The following ARHGAP15 variants were observed in gnomAD, a reference collection of about 807,000 sequenced individuals.
ARHGAP15 encodes the protein rho GTPase-activating protein 15.
A neutral mutation model predicts 63.7 loss-of-function variants in ARHGAP15; 51 were observed. That is an observed-to-expected ratio of 0.80 (90% CI 0.64 to 1.01). ARHGAP15 has a LOEUF of 1.01. ARHGAP15 is among the 50% of genes least tolerant of loss of function. The probability of loss-of-function intolerance (pLI) is 0.00; values close to 1 mark genes in which losing one functional copy is unlikely to be tolerated. For missense variants in ARHGAP15, 560 were observed against 564.6 expected (o/e 0.99, Z 0.08); for synonymous variants, 191 against 193.8 (o/e 0.99, Z 0.12).
At chr2:143,660,980 G>C (rs1180059989) in intron 12 of ARHGAP15, among the ~76,000 whole-genome samples, 1 of 152,174 alleles carries the variant, frequency 6.6e-6, no homozygotes, top group Non-Finnish European at 1.5e-5. Flanking sequence ...CTGTGTTTCT[G>C]TCTGAAGGCT....
At chr2:143,422,130 G>T (rs774497991) in intron 6 of ARHGAP15, among the ~76,000 whole-genome samples, 1 of 152,088 alleles carries the variant, frequency 6.6e-6, no homozygotes, top group African/African-American at 2.4e-5. Context: ...AGAAAATGTT[G>T]TGGATGAAAC....
chr2:143,756,333 T>A (rs1574932333), intron 13 of ARHGAP15, among the ~76,000 whole-genome samples: 2 of 152,342 alleles, frequency 1.3e-5, no homozygotes, highest in South Asian at 4.1e-4. Flanking sequence ...TGCTGATCCA[T>A]GCACAACACT....
intron 13 of ARHGAP15, among the ~76,000 whole-genome samples, chr2:143,711,575 C>T (rs1684582134): frequency 6.6e-6 from 1 of 152,218 alleles, no homozygotes; most frequent in African/African-American, 2.4e-5. Flanking sequence ...TTATGAGCCT[C>T]TAACGTTGTA....
intron 9 of ARHGAP15, among the ~76,000 whole-genome samples, chr2:143,509,805 G>A (rs1488493680): frequency 6.6e-6 from 1 of 151,980 alleles, no homozygotes; most frequent in African/African-American, 2.4e-5. Context: ...GGCGGATCAC[G>A]AGCTCGGGAG....
chr2:143,676,575 G>A (rs1233913560), intron 12 of ARHGAP15: 1 of 152,178 alleles, frequency 6.6e-6, no homozygotes, highest in African/African-American at 2.4e-5. Context: ...GCAGGGAACA[G>A]GGAGGCCTGA....
intron 3 of ARHGAP15, among the ~76,000 whole-genome samples, chr2:143,205,687 G>A (rs754658610): frequency 6.6e-6 from 1 of 152,020 alleles, no homozygotes; most frequent in Non-Finnish European, 1.5e-5. Context: ...CCCTTCATCA[G>A]TGCCTTCTCA....
At chr2:143,752,618 G>T (rs1164902746) in intron 13 of ARHGAP15, among the ~76,000 whole-genome samples, 1 of 152,150 alleles carries the variant, frequency 6.6e-6, no homozygotes, top group Non-Finnish European at 1.5e-5. Context: ...CATGGGTTCA[G>T]TTCTCCAGAA....
In ARHGAP15 at chr2:143,450,044, AAT is replaced by A. The variant is rs1363976453; in HGVS notation, c.703+13003_703+13004del. Among the ~76,000 whole-genome samples the A allele has an allele frequency of 5.8e-5, 8 of 138,230 alleles. No individual in the cohort carries two copies. In the East Asian group the frequency reaches 1.6e-3, roughly 27 times the overall value. 90.7% of individuals were successfully genotyped at this position (138,230 alleles called of 152,430 possible). A position where few individuals can be genotyped will look rare whatever the true frequency, so the allele number is the denominator to read the frequency against. ...TAAGACAGCTTACATAAGAATAATT[AAT>A]CTTTTTTTTTTTCCTAGTGAGTACC... is the stretch of plus-strand genomic sequence containing the variant. On this transcript the variant is annotated intron_variant, in intron 8 of 13. Coordinates refer to ENST00000295095, the MANE Select transcript of ARHGAP15 (RefSeq NM_018460.4).
intron 5 of ARHGAP15, among the ~76,000 whole-genome samples, chr2:143,246,962 G>C (rs947868516): frequency 2.6e-5 from 4 of 152,182 alleles, no homozygotes; most frequent in Non-Finnish European, 5.9e-5. Flanking sequence ...TGATAAACCC[G>C]TGCCAGGTAC....
chr2:143,373,637 A>AC lies in ARHGAP15; in HGVS notation c.475-61964_475-61963insC, dbSNP rs1471831052. On this transcript the variant is annotated intron_variant, in intron 6 of 13. Transcript: ENST00000295095. Reference sequence around the variant, plus strand: ...AGAGCCAGACTCTATCTCAAAAAAAAAAAAAAAAAAAAAAAAAAAAAAACA... The same window carrying AC: ...AGAGCCAGACTCTATCTCAAAAAAAACAAAAAAAAAAAAAAAAAAAAAAACA... Among the ~76,000 whole-genome samples the AC allele has an allele frequency of 4.8e-5, 7 of 146,286 alleles. No individual in the cohort carries two copies. In the East Asian group the frequency reaches 1.4e-3, roughly 29 times the overall value.
intron 13 of ARHGAP15, among the ~76,000 whole-genome samples, chr2:143,736,564 C>A (rs1195884613): frequency 1.3e-5 from 2 of 152,130 alleles, no homozygotes; most frequent in Non-Finnish European, 2.9e-5. Context: ...AGAATGTAGA[C>A]AAATTTCTCA....
chr2:143,252,884 A>G (rs1210685241), intron 6 of ARHGAP15, among the ~76,000 whole-genome samples: 1 of 152,020 alleles, frequency 6.6e-6, no homozygotes, highest in Non-Finnish European at 1.5e-5. Flanking sequence ...AGCTGGTCGA[A>G]CTCTCAAATG....
chr2:143,526,663 T>C (rs111463485), intron 10 of ARHGAP15, among the ~76,000 whole-genome samples: 3 of 152,126 alleles, frequency 2.0e-5, no homozygotes, highest in African/African-American at 7.2e-5. Flanking sequence ...TAATCTTGGC[T>C]GAAAGTTAGC....
chr2:143,472,962 A>G (rs1226510207), intron 8 of ARHGAP15, among the ~76,000 whole-genome samples: 1 of 152,116 alleles, frequency 6.6e-6, no homozygotes, highest in Middle Eastern at 3.2e-3. Context: ...CTCTGATACT[A>G]TTCAATTATT....
chr2:143,552,053 C>G (rs1010167892), intron 10 of ARHGAP15, among the ~76,000 whole-genome samples: 5 of 152,138 alleles, frequency 3.3e-5, no homozygotes, highest in Non-Finnish European at 2.9e-5. Flanking sequence ...CAAAGATTTT[C>G]GCCGGAGGGA....
intron 8 of ARHGAP15, among the ~76,000 whole-genome samples, chr2:143,445,222 G>T (rs559373686): frequency 7.0e-6 from 1 of 142,760 alleles, no homozygotes; most frequent in Non-Finnish European, 1.5e-5. Context: ...GTGCAATGGC[G>T]TGGTCTTGGC....
At chr2:143,677,593 C>A (rs1302003524) in intron 12 of ARHGAP15, among the ~76,000 whole-genome samples, 2 of 152,116 alleles carry the variant, frequency 1.3e-5, no homozygotes, top group Non-Finnish European at 2.9e-5. Flanking sequence ...TAATTTAGAT[C>A]AAGTACTTGT....
chr2:143,578,616 G>A (rs1696769652), intron 11 of ARHGAP15, among the ~76,000 whole-genome samples: 1 of 152,086 alleles, frequency 6.6e-6, no homozygotes, highest in South Asian at 2.1e-4. Context: ...ATTTTTAGTG[G>A]TATCCCTGTG....
chr2:143,538,516 C>T (rs990879520), intron 10 of ARHGAP15, among the ~76,000 whole-genome samples: 4 of 152,122 alleles, frequency 2.6e-5, no homozygotes. Context: ...GGCTGTGGGT[C>T]TGTGATAGAT....
Sources: gnomAD v4.1 joint callset for allele counts (sites outside exome capture counted in the v4.1 genomes callset) on GRCh38, gnomAD v4.1.1 for gene constraint, MANE v1.5 for transcripts, NCBI Gene and HGNC (gene_info 2026-07-23, HGNC 2026-07-21) for gene names.